FARSB: variants seen among roughly 807,000 people sequenced by gnomAD.
The protein encoded by FARSB is phenylalanyl-tRNA synthetase subunit beta, also known as phenylalanine--tRNA ligase beta subunit.
A neutral mutation model predicts 69.6 loss-of-function variants in FARSB; 40 were observed. The ratio of observed to expected loss-of-function variants is 0.57; its 90% CI spans 0.45 to 0.75. The LOEUF (loss-of-function observed/expected upper bound fraction) is 0.75. FARSB is among the 30% of genes least tolerant of loss of function. The pLI, the probability that FARSB is intolerant of heterozygous loss-of-function variation, is 0.00. For synonymous variants in FARSB, 235 were observed against 247.2 expected, an observed-to-expected ratio of 0.95 and a Z score of 0.46; for missense variants, 632 against 722.9, an observed-to-expected ratio of 0.87 and a Z score of 1.44.
chr2:222,649,237 A>T (rs1187360530), intron 1 of FARSB, among the ~76,000 whole-genome samples: 10 of 79,566 alleles, frequency 1.3e-4, no homozygotes, highest in South Asian at 5.4e-4. Flanking sequence ...AAAAAATTAA[A>T]AAAAAAAAAA....
Position 222,624,299 on chromosome 2 carries a change from G to A in FARSB, c.1143C>T (p.Leu381=), listed in dbSNP as rs747330916. 5 of 1,611,096 alleles carry A rather than the reference G, an allele frequency of 3.1e-6. No homozygotes were observed. The Admixed American group carries it at 6.7e-5, about 21-fold the overall frequency. Residue 381 remains leucine, a synonymous_variant, in exon 12 of 17, where the codon CTC becomes CTT. Transcript: ENST00000281828. ...GATTAGCTATGGTGTAAGTTTTCGG[G>A]AGAGTCATCTGAATGTTGTTATATC... ...AYGYNNIQMT[L]PKTYTIANQF...
Position 222,633,244 on chromosome 2 carries a change from A to G in FARSB, c.670T>C (p.Tyr224His), listed in dbSNP as rs756415989. 2.5e-6 allele frequency: 4 copies of G among 1,590,296 alleles called. No homozygotes were observed. The highest frequency in any genetic ancestry group is 3.4e-6 in the Non-Finnish European group (4 of 1,160,986). The change falls in exon 7 of 17, where the codon TAT becomes CAT. Residue 224 changes from tyrosine (Y) to histidine (H), a missense_variant. Tyr to His is a moderately conservative substitution (Grantham distance 83). Transcript: ENST00000281828. ...IENKPLYPVIYDSNGVVLSMP... is the reference protein window; with the variant it reads ...IENKPLYPVIHDSNGVVLSMP... ...GAAAGGACGACACCATTGCTATCATAGATAACTGGATACAGGGGTTTGTTT... is the reference window on the plus strand; with the variant it reads ...GAAAGGACGACACCATTGCTATCATGGATAACTGGATACAGGGGTTTGTTT...
At position 222,642,878 on chromosome 2, in the gene FARSB, A is replaced by G; in HGVS notation, c.242T>C (p.Val81Ala). Residue 81 changes from valine (V) to alanine (A), a missense_variant, in exon 3 of 17, where the codon GTT becomes GCT. Transcript: ENST00000281828. ...TTCTTTGAAGACCTGAAGTCCTCGA[A>G]CCAATCCTTCCAGACACAGGAGATC... ...RYDLLCLEGL[V>A]RGLQVFKERI... 1.9e-6 allele frequency: 3 copies of G among 1,611,400 alleles called. No individual in the cohort carries two copies. Among genetic ancestry groups the G allele is most frequent in the Non-Finnish European group, 2.5e-6 (3 of 1,178,450 alleles).
At chr2:222,655,830 C>A (rs1692160148) in intron 1 of FARSB, among the ~76,000 whole-genome samples, 186 bp downstream of exon 1, 1 of 152,280 alleles carries the variant, frequency 6.6e-6, no homozygotes, top group Non-Finnish European at 1.5e-5. Flanking sequence ...GGCACCGCTG[C>A]GATGCCGGTT....
chr2:222,613,632 A>G (rs940985018), intron 15 of FARSB, among the ~76,000 whole-genome samples, 179 bp downstream of exon 15: 3 of 152,160 alleles, frequency 2.0e-5, no homozygotes, highest in African/African-American at 7.2e-5. Flanking sequence ...ATAATATGGG[A>G]AGTTGATAGT....
chr2:222,570,475 C>G lies in FARSB; in HGVS notation c.*1396G>C, dbSNP rs1246679674. ...GGTTTTCTCCTAGTAGTAGACTCAG[C>G]AAAAGATCCATAAACATAATTCTTA... On this transcript the variant is annotated 3_prime_UTR_variant, in exon 17 of 17. Coordinates refer to ENST00000281828, the MANE Select transcript of FARSB (RefSeq NM_005687.5). The G allele has an allele frequency of 6.6e-6, 1 of 152,010 alleles. No homozygotes were observed. The highest frequency in any genetic ancestry group is 1.5e-5 in the Non-Finnish European group (1 of 68,002). 9.4% of individuals were successfully genotyped at this position (152,010 alleles called of 1,614,324 possible).
chr2:222,620,554 T>A (rs1175910140), intron 13 of FARSB, among the ~76,000 whole-genome samples: 4 of 152,222 alleles, frequency 2.6e-5, no homozygotes, highest in African/African-American at 9.6e-5. Context: ...ACATCAAGTC[T>A]AATAATAAAT....
At chr2:222,626,972 C>A (rs866165677) in intron 10 of FARSB, among the ~76,000 whole-genome samples, 98 of 152,056 alleles carry the variant, frequency 6.4e-4, no homozygotes, top group African/African-American at 2.2e-3. Context: ...GGAGGCAGAG[C>A]TTGCAGTGAG....
At chr2:222,624,200 C>A in intron 12 of FARSB, 72 bp downstream of exon 12, 1 of 1,005,388 alleles carries the variant, frequency 9.9e-7, no homozygotes. Flanking sequence ...GTTCTGTTTT[C>A]TCGAAGCCTT....
At chr2:222,592,783 A>G (rs1269975205) in intron 16 of FARSB, among the ~76,000 whole-genome samples, 1 of 151,694 alleles carries the variant, frequency 6.6e-6, no homozygotes, top group Non-Finnish European at 1.5e-5. Flanking sequence ...GTCTCCATTT[A>G]TATGCAGTTT....
At chr2:222,601,761 T>C (rs1048006717) in intron 15 of FARSB, among the ~76,000 whole-genome samples, 1 of 152,162 alleles carries the variant, frequency 6.6e-6, no homozygotes, top group African/African-American at 2.4e-5. Context: ...CTTCCTGGGC[T>C]CAAGCAATCC....
At chr2:222,638,404 C>G (rs1331830935) in intron 5 of FARSB, among the ~76,000 whole-genome samples, 1 of 152,138 alleles carries the variant, frequency 6.6e-6, no homozygotes, top group Admixed American at 6.5e-5. Flanking sequence ...GATAATAGAG[C>G]CAGAGCAGAT....
intron 1 of FARSB, among the ~76,000 whole-genome samples, chr2:222,652,759 C>A (rs1559220394): frequency 6.6e-6 from 1 of 152,190 alleles, no homozygotes; most frequent in Non-Finnish European, 1.5e-5. Context: ...GAGCAAAAAC[C>A]ACCCAGCTAA....
intron 6 of FARSB, 33 bp downstream of exon 6, chr2:222,634,358 C>T (rs13410038): frequency 0.3 from 426,225 of 1,443,354 alleles, 65,692 homozygotes; most frequent in Middle Eastern, 0.43. Flanking sequence ...ATGATTTTTG[C>T]AAAGCTGCTG....
At chr2:222,608,128 T>C (rs1274982571) in intron 15 of FARSB, among the ~76,000 whole-genome samples, 1 of 152,212 alleles carries the variant, frequency 6.6e-6, no homozygotes, top group Non-Finnish European at 1.5e-5. Context: ...CTTCAAAAAT[T>C]GTTAATGTCG....
intron 5 of FARSB, among the ~76,000 whole-genome samples, chr2:222,638,793 T>A (rs1691647545): frequency 6.6e-6 from 1 of 152,230 alleles, no homozygotes; most frequent in South Asian, 2.1e-4. Context: ...TTTTCTATTT[T>A]TATTTGAGAC....
chr2:222,624,385 G>A lies in FARSB; in HGVS notation c.1057C>T (p.Pro353Ser), dbSNP rs1369258846. 3 of 1,609,452 alleles carry A rather than the reference G, an allele frequency of 1.9e-6. No homozygotes were observed. Among genetic ancestry groups the A allele is most frequent in the Non-Finnish European group, 1.7e-6 (2 of 1,175,762 alleles). Residue 353 changes from proline (P) to serine (S), a missense_variant, in exon 12 of 17, where the codon CCA (proline) becomes TCA (serine). Coordinates refer to ENST00000281828, the MANE Select transcript of FARSB (RefSeq NM_005687.5). ...DGNQIEIEIP[P>S]TRADIIHACD... is the part of the protein sequence containing the mutation. ...GCATGGATAATGTCAGCTCTGGTTG[G>A]AGGGATTTCAATCTCAATCTGATTC... is the stretch of plus-strand genomic sequence containing the variant.
At chr2:222,651,108 G>C (rs1486972326) in intron 1 of FARSB, among the ~76,000 whole-genome samples, 1 of 152,172 alleles carries the variant, frequency 6.6e-6, no homozygotes, top group African/African-American at 2.4e-5. Flanking sequence ...CATAGTCTTT[G>C]GTAAGGATGC....
At chr2:222,611,690 C>G (rs1690858107) in intron 15 of FARSB, among the ~76,000 whole-genome samples, 1 of 152,180 alleles carries the variant, frequency 6.6e-6, no homozygotes, top group Non-Finnish European at 1.5e-5. Flanking sequence ...TCATCCTAAG[C>G]ATAAGCCTTC....
Sources: gnomAD v4.1 joint callset for allele counts (sites outside exome capture counted in the v4.1 genomes callset) on GRCh38, gnomAD v4.1.1 for gene constraint, MANE v1.5 for transcripts, NCBI Gene and HGNC (gene_info 2026-07-23, HGNC 2026-07-21) for gene names.